Variants in HR observed in about 807,000 individuals in gnomAD.
HR encodes the protein lysine-specific demethylase hairless.
HR carries 83 observed loss-of-function variants against 128.6 expected under a neutral mutation model. The observed-to-expected ratio is 0.65, with a 90% CI of 0.54 to 0.77. The LOEUF (loss-of-function observed/expected upper bound fraction) is 0.77, where lower values mean the gene tolerates loss of function less well. HR is among the 30% of genes least tolerant of loss of function. HR has a pLI of 0.00. For synonymous variants in HR, 681 were observed against 658.2 expected (o/e 1.03, Z -0.53); for missense variants, 1,490 against 1,574.6 (o/e 0.95, Z 0.91).
At position 22,121,146 on chromosome 8, in the gene HR, C is replaced by A; in HGVS notation, c.2286G>T (p.Leu762=). The A allele has an allele frequency of 6.2e-7, 1 of 1,613,954 alleles. No homozygotes were observed. The highest frequency in any genetic ancestry group is 8.5e-7 in the Non-Finnish European group (1 of 1,180,028). The change falls in exon 10 of 19, where the codon CTG becomes CTT. Residue 762 remains leucine, a synonymous_variant. Coordinates refer to ENST00000381418, the MANE Select transcript of HR (RefSeq NM_005144.5). ...AGCAGAGTTTGACCGCGGTAGAAGCCAGCAGTTCGCAGAGAGAAGGACAAG... is the reference window on the plus strand; with the variant it reads ...AGCAGAGTTTGACCGCGGTAGAAGCAAGCAGTTCGCAGAGAGAAGGACAAG... The part of the protein sequence containing the change: ...PLPCPSLCEL[L]ASTAVKLCLG...
chr8:22,127,199 C>G lies in HR; in HGVS notation c.1243G>C (p.Gly415Arg). 14 of 1,613,014 alleles carry G rather than the reference C, an allele frequency of 8.7e-6. No individual in the cohort carries two copies. Among genetic ancestry groups the G allele is most frequent in the Non-Finnish European group, 1.2e-5 (14 of 1,180,006 alleles). The change falls in exon 3 of 19, where the codon GGC becomes CGC. Residue 415 changes from glycine (G) to arginine (R), a missense_variant. Gly to Arg is a moderately radical substitution (Grantham distance 125). Coordinates refer to ENST00000381418, the MANE Select transcript of HR (RefSeq NM_005144.5). ...ATTGCTCCCTGGACCTCGGGGCTGC[C>G]TGCCCTTTTGAGGGCCCGGAGCCGA... ...VARLRALKRA[G>R]SPEVQGAMGS...
chr8:22,120,061 G>A, intron 13 of HR, 43 bp downstream of exon 13: 1 of 1,568,040 alleles, frequency 6.4e-7, no homozygotes. Context: ...GGCGGGGCCT[G>A]CGGTGGCGGG....
In HR at chr8:22,115,352, G is replaced by A; in HGVS notation, c.*348C>T. The stretch of plus-strand genomic sequence containing the variant: ...AGCAGCAGGAGGAGGTGTTGTTTAA[G>A]CCAGAATGATTCCCAAGTTTCCCCA... On this transcript the variant is annotated 3_prime_UTR_variant, in exon 19 of 19. Transcript: ENST00000381418. 3 of 455,720 alleles carry A rather than the reference G, an allele frequency of 6.6e-6. No individual in the cohort carries two copies. In the East Asian group the frequency reaches 1.3e-4, roughly 19 times the overall value. The allele number at this position is 455,720 out of a possible 1,614,324, so 28.2% of individuals were successfully genotyped here.
rs765862499 is a variant in HR at position 22,127,455 on chromosome 8, G to A, written c.987C>T (p.Ser329=). 8.1e-6 allele frequency: 13 copies of A among 1,610,950 alleles called. No homozygotes were observed. The highest frequency in any genetic ancestry group is 1.0e-5 in the Non-Finnish European group (12 of 1,178,148). Residue 329 remains serine (S), a synonymous_variant, in exon 3 of 19, where the codon TCC becomes TCT. Coordinates refer to ENST00000381418, the MANE Select transcript of HR (RefSeq NM_005144.5). ...GACCCCCACCTTTAGTGGGTGGGTA[G>A]GATGAACAGCAGCCCCGCTGGGTGA... is the stretch of plus-strand genomic sequence containing the variant. ...PPVTQRGCCS[S]YPPTKGGGLG... is the part of the protein sequence containing the mutation.
chr8:22,123,799 C>T lies in HR; in HGVS notation c.1765G>A (p.Val589Met), dbSNP rs368601003. ...GGAATGCCTGGGCTGTCCTCTGTCA[C>T]GGCTGGCCCTTGGCCTGCTGACCAC... is the stretch of plus-strand genomic sequence containing the variant. ...WAQREGQGPA[V>M]TEDSPGIPRC... The change falls in exon 6 of 19, where the codon GTG (valine) becomes ATG (methionine). Residue 589 changes from valine to methionine, a missense_variant. Transcript: ENST00000381418. 2.1e-5 allele frequency: 34 copies of T among 1,601,418 alleles called. No homozygotes were observed. Among genetic ancestry groups the T allele is most frequent in the Admixed American group, 5.1e-5 (3 of 59,084 alleles).
chr8:22,125,570 G>A lies in HR; in HGVS notation c.1556+12C>T. The A allele has an allele frequency of 1.2e-6, 2 of 1,612,878 alleles. No homozygotes were observed. The highest frequency in any genetic ancestry group is 2.2e-5 in the East Asian group (1 of 44,836). The stretch of plus-strand genomic sequence containing the variant: ...GAGGGGGCACTGGAGGTGTCCAGGG[G>A]CAATGGCTCACCTCCGCACTTGCTG... On this transcript the variant is annotated intron_variant, in intron 4 of 18. Coordinates refer to ENST00000381418, the MANE Select transcript of HR (RefSeq NM_005144.5).
In HR at chr8:22,127,378, G is replaced by A. The variant is rs752885108; in HGVS notation, c.1064C>T (p.Ala355Val). Reference protein sequence around the residue: ...QEGLEGGASGASEPSEEVNKA... With the variant: ...QEGLEGGASGVSEPSEEVNKA... The stretch of plus-strand genomic sequence containing the variant: ...GTTCACTTCCTCGCTGGGTTCGCTG[G>A]CTCCACTGGCACCCCCCTCCAGGCC... The change falls in exon 3 of 19, where the codon GCC (alanine) becomes GTC (valine). Residue 355 changes from alanine (A) to valine (V), a missense_variant. Physicochemically the swap from Ala to Val is moderately conservative, Grantham distance 64. This residue lies in a region of HR where 1,060 missense variants were observed against 1,060.9 expected (regional missense o/e 1.00). Transcript: ENST00000381418. The A allele has an allele frequency of 6.2e-7, 1 of 1,613,330 alleles. No individual in the cohort carries two copies. The highest frequency in any genetic ancestry group is 2.2e-5 in the East Asian group (1 of 44,844).
chr8:22,127,363 T>C lies in HR; in HGVS notation c.1079A>G (p.Glu360Gly). Residue 360 changes from glutamate to glycine, a missense_variant, in exon 3 of 19, where the codon GAG (glutamate) becomes GGG (glycine). Transcript: ENST00000381418. ...GGASGASEPS[E>G]EVNKASGPRA... ...GGGGCCAGAGGCCTTGTTCACTTCCTCGCTGGGTTCGCTGGCTCCACTGGC... is the reference window on the plus strand; with the variant it reads ...GGGGCCAGAGGCCTTGTTCACTTCCCCGCTGGGTTCGCTGGCTCCACTGGC... The C allele has an allele frequency of 6.2e-7, 1 of 1,613,366 alleles. No individual in the cohort carries two copies. The highest frequency in any genetic ancestry group is 8.5e-7 in the Non-Finnish European group (1 of 1,180,026).
At chr8:22,126,356 G>A (rs1047048424) in intron 3 of HR, among the ~76,000 whole-genome samples, 2 of 152,218 alleles carry the variant, frequency 1.3e-5, no homozygotes, top group Non-Finnish European at 2.9e-5. Flanking sequence ...ACTAAGGCTG[G>A]AGCCGGCAGT....
chr8:22,125,076 C>T (rs961491444), intron 5 of HR, among the ~76,000 whole-genome samples: 1 of 152,260 alleles, frequency 6.6e-6, no homozygotes, highest in African/African-American at 2.4e-5. Context: ...AGCTCCCCCA[C>T]CTCCCAGTGC....
Position 22,128,909 on chromosome 8 carries a change from C to A in HR, c.262G>T (p.Val88Phe), listed in dbSNP as rs375531627. The A allele has an allele frequency of 2.5e-6, 4 of 1,613,520 alleles. No individual in the cohort carries two copies. The South Asian group carries it at 3.3e-5, about 13-fold the overall frequency. The change falls in exon 2 of 19, where the codon GTC (valine) becomes TTC (phenylalanine). Residue 88 changes from valine (V) to phenylalanine (F), a missense_variant. Around this residue, in one of 3 missense-constraint regions of HR, gnomAD observed 1,060 missense variants for 1,060.9 expected, o/e 1.00. Coordinates refer to ENST00000381418, the MANE Select transcript of HR (RefSeq NM_005144.5). ...GEGPQNGERK[V>F]NWLGSKEGLR... is the part of the protein sequence containing the mutation. The stretch of plus-strand genomic sequence containing the variant: ...CCCTCTTTGCTGCCCAGCCAGTTGA[C>A]CTTCCTCTCCCCATTCTGGGGGCCC...
Position 22,121,652 on chromosome 8 carries a change from A to C in HR, c.2164T>G (p.Cys722Gly). The C allele has an allele frequency of 6.2e-7, 1 of 1,614,182 alleles. No individual in the cohort carries two copies. The highest frequency in any genetic ancestry group is 8.5e-7 in the Non-Finnish European group (1 of 1,180,036). ...QKTPPTPQPS[C>G]NGDTHRTKSI... ...TTGGTCCTGTGGGTGTCGCCATTGCAGGAAGGTTGTGGAGTTGGGGGCGTT... is the reference window on the plus strand; with the variant it reads ...TTGGTCCTGTGGGTGTCGCCATTGCCGGAAGGTTGTGGAGTTGGGGGCGTT... Residue 722 changes from cysteine (C) to glycine (G), a missense_variant, in exon 9 of 19, where the codon TGC (cysteine) becomes GGC (glycine). Transcript: ENST00000381418.
rs749703410 is a variant in HR at position 22,116,420 on chromosome 8, G to A, written c.3387C>T (p.Gly1129=). 1.2e-6 allele frequency: 2 copies of A among 1,613,702 alleles called. No individual in the cohort carries two copies. Among genetic ancestry groups the A allele is most frequent in the South Asian group, 1.1e-5 (1 of 91,012 alleles). Residue 1129 remains glycine (G), a synonymous_variant, in exon 18 of 19, where the codon GGC becomes GGT. Transcript: ENST00000381418. This position sits in a 1 kb window ranked among gnomAD's most constrained non-coding sequence, Gnocchi z 4.2. ...VPAGAPHQVQ[G]LVSTVSVTQH... is the part of the protein sequence containing the mutation. The stretch of plus-strand genomic sequence containing the variant: ...GAGTGACGCTGACTGTGCTCACCAG[G>A]CCCTGCACCTGTGTCGGGGGGACAT...
chr8:22,126,712 C>T (rs181606224), intron 3 of HR, among the ~76,000 whole-genome samples: 194 of 152,326 alleles, frequency 1.3e-3, no homozygotes, highest in Admixed American at 3.9e-3. Flanking sequence ...CCCAGAGAGG[C>T]GAAGCAACTC....
intron 10 of HR, 35 bp downstream of exon 10, chr8:22,121,030 C>T: frequency 2.5e-6 from 4 of 1,613,126 alleles, no homozygotes; most frequent in Non-Finnish European, 1.7e-6. Context: ...CTCTGGTCCC[C>T]TGGCTCCTAG....
intron 6 of HR, 32 bp downstream of exon 6, chr8:22,123,617 T>TTGGGGGCCCCCCCCCCCCC: frequency 3.4e-6 from 1 of 292,092 alleles, no homozygotes; most frequent in Non-Finnish European, 6.2e-6. Flanking sequence ...GAGGGCTCCA[T>TTGGGGGCCCCCCCCCCCCC]CCCGCCCTCC....
chr8:22,123,616 A>AGGGGG (rs1563180402), intron 6 of HR, 33 bp downstream of exon 6: 32 of 562,320 alleles, frequency 5.7e-5, no homozygotes, highest in Non-Finnish European at 8.1e-5. Flanking sequence ...TGAGGGCTCC[A>AGGGGG]TCCCGCCCTC....
At chr8:22,118,921 A>T in intron 16 of HR, 29 bp downstream of exon 16, 1 of 1,578,232 alleles carries the variant, frequency 6.3e-7, no homozygotes, top group Non-Finnish European at 8.7e-7. Context: ...GGGCGGGGGG[A>T]AGGGGAGGGC....
Position 22,129,042 on chromosome 8 carries a change from C to A in HR, c.129G>T (p.Leu43=). ...RDGLHHGPLC[L]GEPAPFWRGV... ...CCCTCCAAAAGGGAGCAGGCTCTCC[C>A]AGGCACAGCGGCCCATGGTGCAGTC... Residue 43 remains leucine, a synonymous_variant, in exon 2 of 19, where the codon CTG becomes CTT. Transcript: ENST00000381418. 1.2e-6 allele frequency: 2 copies of A among 1,603,518 alleles called. No homozygotes were observed. The highest frequency in any genetic ancestry group is 1.7e-6 in the Non-Finnish European group (2 of 1,174,454).
Sources: allele counts gnomAD v4.1 joint callset (sites outside exome capture counted in the v4.1 genomes callset), GRCh38; gene constraint gnomAD v4.1.1; regional missense constraint gnomAD v4.1.1; non-coding constraint Gnocchi (gnomAD v3.1); transcripts MANE v1.5; gene names NCBI Gene and HGNC (gene_info 2026-07-23, HGNC 2026-07-21).